The following PDK1 variants were observed in gnomAD, a reference collection of about 807,000 sequenced individuals.
PDK1 encodes [Pyruvate dehydrogenase (acetyl-transferring)] kinase isozyme 1, mitochondrial.
In PDK1, 39 loss-of-function variants were observed where a neutral mutation model predicts 54.2. The observed-to-expected ratio is 0.72, with a 90% confidence interval of 0.56 to 0.94. The LOEUF is 0.94. PDK1 is among the 40% of genes least tolerant of loss of function. The pLI, the probability that PDK1 is intolerant of heterozygous loss-of-function variation, is 0.00. For missense variants in PDK1, 552 were observed against 566.0 expected (o/e 0.98, Z 0.25); for synonymous variants, 221 against 207.1 (o/e 1.07, Z -0.58).
At chr2:172,720,116 C>CTCTCTCT in the PDK1 span, among the ~76,000 whole-genome samples, 13 of 116,734 alleles carry the variant, frequency 1.1e-4, no homozygotes, top group African/African-American at 4.2e-4. Context: ...CTCTCTCTCT[C>CTCTCTCT]TTTTTTTTTT....
intron 9 of PDK1, among the ~76,000 whole-genome samples, chr2:172,588,849 G>T (rs1458057234): frequency 1.3e-5 from 2 of 152,192 alleles, no homozygotes; most frequent in Non-Finnish European, 2.9e-5. Context: ...ACACATCTCT[G>T]TTCCAGACCT....
chr2:172,623,785 A>G, the PDK1 span, among the ~76,000 whole-genome samples: 2 of 152,240 alleles, frequency 1.3e-5, no homozygotes, highest in East Asian at 3.8e-4. Context: ...AAAATGTGAC[A>G]TTCTAGACTT....
chr2:172,611,207 A>G (rs1288843472), downstream of PDK1, among the ~76,000 whole-genome samples: 2 of 152,216 alleles, frequency 1.3e-5, no homozygotes, highest in African/African-American at 2.4e-5. Context: ...AATACTTTGC[A>G]TTCTATCAAC....
At chr2:172,660,247 C>CTCTTT in the PDK1 span, among the ~76,000 whole-genome samples, 5 of 44,230 alleles carry the variant, frequency 1.1e-4, no homozygotes, top group African/African-American at 4.9e-4. Context: ...CTCTCTCTCT[C>CTCTTT]TTTTTTTTTT....
At chr2:172,660,908 G>A in the PDK1 span, among the ~76,000 whole-genome samples, 1 of 152,124 alleles carries the variant, frequency 6.6e-6, no homozygotes, top group Non-Finnish European at 1.5e-5. Flanking sequence ...TCTGGCAAGG[G>A]AAGAAGGACA....
the PDK1 span, among the ~76,000 whole-genome samples, chr2:172,621,671 T>C: frequency 4.1e-5 from 6 of 148,078 alleles, no homozygotes; most frequent in Non-Finnish European, 7.4e-5. Flanking sequence ...ATATATGATA[T>C]ATGTTTATGT....
chr2:172,580,141 G>GTT (rs1235877234), intron 8 of PDK1, among the ~76,000 whole-genome samples: 1 of 149,052 alleles, frequency 6.7e-6, no homozygotes, highest in Non-Finnish European at 1.5e-5. Context: ...CCTTTTGTCC[G>GTT]TTTCTCTCTC....
chr2:172,597,925 A>G lies in PDK1; in HGVS notation c.*1956A>G, dbSNP rs1217715749. 2.6e-5 allele frequency: 4 copies of G among 151,958 alleles called. No homozygotes were observed. The highest frequency in any genetic ancestry group is 5.9e-5 in the Non-Finnish European group (4 of 67,972). The allele number at this position is 151,958 out of a possible 1,614,324, so 9.4% of individuals were successfully genotyped here. A position where few individuals can be genotyped will look rare whatever the true frequency, so the allele number is the denominator to read the frequency against. ...AAATGTGTAGATTAGAGGGATGTGA[A>G]TGGGCAGTTAGTCCAGTGCCCTCAT... On this transcript the variant is annotated 3_prime_UTR_variant, in exon 11 of 11. Transcript: ENST00000282077.
chr2:172,700,347 C>A, the PDK1 span, among the ~76,000 whole-genome samples: 1 of 149,422 alleles, frequency 6.7e-6, no homozygotes, highest in East Asian at 2.0e-4. Flanking sequence ...CAGAGGCGCC[C>A]CCCACCTCCT....
intron 2 of PDK1, among the ~76,000 whole-genome samples, chr2:172,560,395 T>G (rs1253803305): frequency 6.6e-6 from 1 of 152,224 alleles, no homozygotes; most frequent in African/African-American, 2.4e-5. Context: ...TGTGAACTCC[T>G]GGGCTCAAGC....
the PDK1 span, among the ~76,000 whole-genome samples, chr2:172,656,165 A>G: frequency 6.6e-6 from 1 of 152,262 alleles, no homozygotes; most frequent in Non-Finnish European, 1.5e-5. Context: ...TTATTTTAGA[A>G]CAGTGGTTTC....
At chr2:172,571,823 C>CTTTTTTTTT (rs36031428) in intron 8 of PDK1, among the ~76,000 whole-genome samples, 12 of 99,796 alleles carry the variant, frequency 1.2e-4, no homozygotes, top group Non-Finnish European at 1.8e-4. Context: ...TCTTTCTTTA[C>CTTTTTTTTT]TTTTTTTTTT....
the PDK1 span, among the ~76,000 whole-genome samples, chr2:172,629,844 G>A: frequency 2.6e-5 from 4 of 152,278 alleles, no homozygotes; most frequent in East Asian, 7.7e-4. Context: ...TCTGTACCCT[G>A]TCACCTGCAT....
chr2:172,645,986 A>T, the PDK1 span, among the ~76,000 whole-genome samples: 4 of 152,356 alleles, frequency 2.6e-5, no homozygotes, highest in East Asian at 7.7e-4. Flanking sequence ...CAAAATACTC[A>T]TTTCTATATT....
intron 1 of PDK1, 130 bp downstream of exon 1, chr2:172,556,476 C>T (rs979497906): frequency 1.2e-5 from 7 of 597,258 alleles, no homozygotes; most frequent in Non-Finnish European, 1.5e-5. Flanking sequence ...GCGTTTCCGC[C>T]CCCAGCGCCT....
the PDK1 span, among the ~76,000 whole-genome samples, chr2:172,647,088 A>G: frequency 6.6e-6 from 1 of 152,088 alleles, no homozygotes; most frequent in African/African-American, 2.4e-5. Flanking sequence ...TCACACTTTG[A>G]GTAGCAAAAT....
At position 172,602,488 on chromosome 2, in the gene PDK1, A is replaced by G. The variant is rs532242813; in HGVS notation, c.*6519A>G. 6.6e-6 allele frequency: 1 copy of G among 152,200 alleles called. No individual in the cohort carries two copies. Among genetic ancestry groups the G allele is most frequent in the African/African-American group, 2.4e-5 (1 of 41,452 alleles). The allele number at this position is 152,200 out of a possible 1,614,324, so 9.4% of individuals were successfully genotyped here. A position where few individuals can be genotyped will look rare whatever the true frequency, so the allele number is the denominator to read the frequency against. The stretch of plus-strand genomic sequence containing the variant: ...TAGTGGATGTTACAATAAACCTCGT[A>G]TAGTGTCAGATGTAAGACAGACATA... On this transcript the variant is annotated 3_prime_UTR_variant, in exon 11 of 11. Transcript: ENST00000282077.
chr2:172,640,920 CCCTTCCTT>C, the PDK1 span, among the ~76,000 whole-genome samples: 9 of 146,616 alleles, frequency 6.1e-5, no homozygotes, highest in Admixed American at 4.1e-4. Flanking sequence ...TTCCTTCCCT[CCCTTCCTT>C]CCTTCCTTCC....
intron 8 of PDK1, among the ~76,000 whole-genome samples, chr2:172,572,401 T>C (rs1689328474): frequency 6.6e-6 from 1 of 152,216 alleles, no homozygotes; most frequent in African/African-American, 2.4e-5. Flanking sequence ...CTGTCTCATT[T>C]TAGAACATTT....
Sources: gnomAD v4.1 joint callset for allele counts (sites outside exome capture counted in the v4.1 genomes callset) on GRCh38, gnomAD v4.1.1 for gene constraint, MANE v1.5 for transcripts, NCBI Gene and HGNC (gene_info 2026-07-23, HGNC 2026-07-21) for gene names.